The following CACNA2D2 variants were observed in gnomAD, a reference collection of about 807,000 sequenced individuals.
CACNA2D2 encodes the protein calcium voltage-gated channel auxiliary subunit alpha2delta 2.
CACNA2D2 carries 48 observed loss-of-function variants against 166.4 expected under a neutral mutation model. The ratio of observed to expected loss-of-function variants is 0.29; its 90% CI spans 0.23 to 0.37. The LOEUF (loss-of-function observed/expected upper bound fraction) is 0.37, where lower values mean the gene tolerates loss of function less well. CACNA2D2 is among the 10% of genes least tolerant of loss of function. CACNA2D2 has a pLI of 1.00. For missense variants in CACNA2D2, 1,122 were observed against 1,433.0 expected (o/e 0.78, Z 3.50); for synonymous variants, 561 against 573.7 (o/e 0.98, Z 0.32).
intron 2 of CACNA2D2, among the ~76,000 whole-genome samples, chr3:50,453,972 C>A (rs1191116684): frequency 6.6e-6 from 1 of 152,020 alleles, no homozygotes; most frequent in Non-Finnish European, 1.5e-5. Flanking sequence ...GCCCTGCCCC[C>A]GCCTCACGGA....
Position 50,378,025 on chromosome 3 carries a change from C to G in CACNA2D2, c.1462G>C (p.Val488Leu). Residue 488 changes from valine (V) to leucine (L), a missense_variant, in exon 15 of 38, where the codon GTG (valine) becomes CTG (leucine). This residue lies in a region of CACNA2D2 where 840 missense variants were observed against 1,166.8 expected (regional missense o/e 0.72). Transcript: ENST00000424201. ...KEAKQVQWTN[V>L]YEDALGLGLV... is the part of the protein sequence containing the mutation. Reference sequence around the variant, plus strand: ...GGCCTTACCAGTGCATCCTCATACACGTTGGTCCACTGCACCTGCTTGGCC... The same window carrying G: ...GGCCTTACCAGTGCATCCTCATACAGGTTGGTCCACTGCACCTGCTTGGCC... The G allele has an allele frequency of 6.2e-7, 1 of 1,613,716 alleles. No homozygotes were observed. The highest frequency in any genetic ancestry group is 8.5e-7 in the Non-Finnish European group (1 of 1,179,990).
In CACNA2D2 at chr3:50,367,341, C is replaced by T. The variant is rs1559875445; in HGVS notation, c.2401+53G>A. The stretch of plus-strand genomic sequence containing the variant: ...CAGAGCCCAGTTCTGGCTGAGCAGA[C>T]AGGGAAGCTGAGGCTCCCTGCCTGC... On this transcript the variant is annotated intron_variant, in intron 27 of 37. Coordinates refer to ENST00000424201, the MANE Select transcript of CACNA2D2 (RefSeq NM_006030.4). The surrounding 1 kb of genome is among the most constrained non-coding windows in gnomAD (Gnocchi z 6.5). 1.1e-5 allele frequency: 16 copies of T among 1,520,210 alleles called. No homozygotes were observed. Among genetic ancestry groups the T allele is most frequent in the Non-Finnish European group, 1.4e-5 (15 of 1,098,498 alleles). 94.2% of individuals were successfully genotyped at this position (1,520,210 alleles called of 1,614,324 possible). A position where few individuals can be genotyped will look rare whatever the true frequency, so the allele number is the denominator to read the frequency against.
chr3:50,414,576 G>C (rs964792075), intron 3 of CACNA2D2, among the ~76,000 whole-genome samples: 6 of 152,162 alleles, frequency 3.9e-5, no homozygotes, highest in African/African-American at 1.4e-4. Flanking sequence ...GGCAGGCTGG[G>C]TGTCTCATCC....
chr3:50,383,500 T>G (rs1308040159), intron 6 of CACNA2D2, among the ~76,000 whole-genome samples: 6 of 152,200 alleles, frequency 3.9e-5, no homozygotes, highest in Non-Finnish European at 8.8e-5. Context: ...GGTTTCCTCC[T>G]CCTTTACCTC....
At chr3:50,451,530 CTAAT>C (rs1240043908) in intron 2 of CACNA2D2, among the ~76,000 whole-genome samples, 1 of 152,162 alleles carries the variant, frequency 6.6e-6, no homozygotes, top group African/African-American at 2.4e-5. Flanking sequence ...TCCATCCACG[CTAAT>C]TAACCCACTG....
intron 2 of CACNA2D2, among the ~76,000 whole-genome samples, chr3:50,437,974 A>G (rs925587829): frequency 3.3e-5 from 5 of 152,200 alleles, no homozygotes; most frequent in Non-Finnish European, 7.4e-5. Flanking sequence ...CTGCTGGACT[A>G]AGGAGCACGA....
intron 1 of CACNA2D2, among the ~76,000 whole-genome samples, chr3:50,484,001 C>T (rs1698170071): frequency 6.6e-6 from 1 of 152,174 alleles, no homozygotes; most frequent in Non-Finnish European, 1.5e-5. Flanking sequence ...GAACATCAGT[C>T]TTCAATGCCC....
chr3:50,451,005 G>A (rs1709073174), intron 2 of CACNA2D2, among the ~76,000 whole-genome samples: 1 of 152,132 alleles, frequency 6.6e-6, no homozygotes, highest in Admixed American at 6.5e-5. Flanking sequence ...GCCTACAGAG[G>A]CCTCAAAAGT....
chr3:50,403,730 A>T (rs1323263440), intron 3 of CACNA2D2, among the ~76,000 whole-genome samples: 1 of 152,154 alleles, frequency 6.6e-6, no homozygotes, highest in Non-Finnish European at 1.5e-5. Context: ...CCACACTGAC[A>T]TTGAAGTTTG....
In CACNA2D2 at chr3:50,376,616, T is replaced by A. The variant is rs1705012310; in HGVS notation, c.1627-428A>T. ...AGCGGGACGAGTGGACCCTTCGGAATCCTACCTGGGGCTTCCCTTCCAGGT... is the reference window on the plus strand; with the variant it reads ...AGCGGGACGAGTGGACCCTTCGGAAACCTACCTGGGGCTTCCCTTCCAGGT... On this transcript the variant is annotated intron_variant, in intron 17 of 37. Transcript: ENST00000424201. The surrounding 1 kb of genome is among the most constrained non-coding windows in gnomAD (Gnocchi z 4.3). 6.6e-6 allele frequency among the ~76,000 whole-genome samples: 1 copy of A among 152,102 alleles called. No homozygotes were observed. Among genetic ancestry groups the A allele is most frequent in the Admixed American group, 6.5e-5 (1 of 15,288 alleles).
intron 3 of CACNA2D2, among the ~76,000 whole-genome samples, chr3:50,421,695 C>G (rs996388594): frequency 6.6e-6 from 1 of 152,124 alleles, no homozygotes; most frequent in African/African-American, 2.4e-5. Context: ...TATCCCCCAG[C>G]AGGGCCACGA....
At chr3:50,386,232 G>C (rs1012049963) in intron 5 of CACNA2D2, among the ~76,000 whole-genome samples, 2 of 152,292 alleles carry the variant, frequency 1.3e-5, no homozygotes, top group South Asian at 2.1e-4. Context: ...CAATGATTTA[G>C]AGTGAGGGGT....
rs536634790 is a variant in CACNA2D2 at position 50,447,335 on chromosome 3, T to C, written c.289-12906A>G. 3.3e-5 allele frequency among the ~76,000 whole-genome samples: 5 copies of C among 152,306 alleles called. No individual in the cohort carries two copies. The South Asian group carries it at 1.0e-3, about 32-fold the overall frequency. On this transcript the variant is annotated intron_variant, in intron 2 of 37. Coordinates refer to ENST00000424201, the MANE Select transcript of CACNA2D2 (RefSeq NM_006030.4). ...CTCGTGGTCAGGTGCCCATGGGGTC[T>C]TGGAGGCGATGGTGCCCTGGGCTTC...
In CACNA2D2 at chr3:50,365,685, G is replaced by C. The variant is rs750436685; in HGVS notation, c.2919C>G (p.Ser973=). 10 of 1,588,778 alleles carry C rather than the reference G, an allele frequency of 6.3e-6. No homozygotes were observed. The South Asian group carries it at 1.0e-4, about 16-fold the overall frequency. The change falls in exon 34 of 38, where the codon TCC becomes TCG. Residue 973 remains serine (S), a synonymous_variant. Transcript: ENST00000424201. This position sits in a 1 kb window ranked among gnomAD's most constrained non-coding sequence, Gnocchi z 4.5. The part of the protein sequence containing the change: ...LAWWTSAAAW[S]LFQQLLYGLI... The stretch of plus-strand genomic sequence containing the variant: ...GGCCGTAGAGAAGCTGCTGGAACAG[G>C]GACCTGCAGCGCACGGGGAGCCGAG...
chr3:50,425,522 C>T (rs1016167067), intron 3 of CACNA2D2, among the ~76,000 whole-genome samples: 2 of 152,218 alleles, frequency 1.3e-5, no homozygotes, highest in East Asian at 3.8e-4. Context: ...TGGCCACCGG[C>T]TCGCCCTTCC....
chr3:50,477,251 A>T (rs1170950546), intron 1 of CACNA2D2, among the ~76,000 whole-genome samples: 3 of 152,108 alleles, frequency 2.0e-5, no homozygotes, highest in Admixed American at 2.0e-4. Flanking sequence ...GTTTTAACCC[A>T]TTTCCATCTC....
At chr3:50,441,150 GTGAC>G (rs1234150096) in intron 2 of CACNA2D2, among the ~76,000 whole-genome samples, 1 of 152,054 alleles carries the variant, frequency 6.6e-6, no homozygotes, top group Non-Finnish European at 1.5e-5. Flanking sequence ...GGAGGGACAT[GTGAC>G]TGACCACAAG....
chr3:50,482,736 CCA>C (rs2107122085), intron 1 of CACNA2D2, among the ~76,000 whole-genome samples: 1 of 152,318 alleles, frequency 6.6e-6, no homozygotes, highest in African/African-American at 2.4e-5. Flanking sequence ...TGCACTGCCC[CCA>C]GAGACCCAAT....
At position 50,379,024 on chromosome 3, in the gene CACNA2D2, C is replaced by T; in HGVS notation, c.1261-31G>A. 6.2e-7 allele frequency: 1 copy of T among 1,613,790 alleles called. No individual in the cohort carries two copies. Among genetic ancestry groups the T allele is most frequent in the South Asian group, 1.1e-5 (1 of 91,076 alleles). The stretch of plus-strand genomic sequence containing the variant: ...GGGGGTTTGAGGTTACTGCTGTGGC[C>T]ACCAGGGGACAGCCCTCTTCTGTAC... On this transcript the variant is annotated intron_variant, in intron 12 of 37. Transcript: ENST00000424201. The surrounding 1 kb of genome is among the most constrained non-coding windows in gnomAD (Gnocchi z 6.5).
Sources: allele counts gnomAD v4.1 joint callset (sites outside exome capture counted in the v4.1 genomes callset), GRCh38; gene constraint gnomAD v4.1.1; regional missense constraint gnomAD v4.1.1; non-coding constraint Gnocchi (gnomAD v3.1); transcripts MANE v1.5; gene names NCBI Gene and HGNC (gene_info 2026-07-23, HGNC 2026-07-21).